The following MYO19 variants were observed in gnomAD, a reference collection of about 807,000 sequenced individuals.
MYO19 encodes the protein myosin XIX.
A neutral mutation model predicts 129.2 loss-of-function variants in MYO19; 132 were observed. The observed-to-expected ratio is 1.02, with a 90% confidence interval of 0.89 to 1.18. The LOEUF (loss-of-function observed/expected upper bound fraction) is 1.18. Among genes scored for constraint, MYO19 ranks in the 50% most tolerant of loss-of-function variants. MYO19 has a pLI of 0.00. For synonymous variants in MYO19, 531 were observed against 477.2 expected, an observed-to-expected ratio of 1.11 and a Z score of -1.47; for missense variants, 1,210 against 1,216.7, an observed-to-expected ratio of 0.99 and a Z score of 0.08.
chr17:36,537,731 C>T (rs1452028917), upstream of MYO19: 2 of 1,613,966 alleles, frequency 1.2e-6, no homozygotes, highest in Non-Finnish European at 1.7e-6. Context: ...GGCCATTAGT[C>T]TTCCTAGGAA....
rs568949049 is a variant in MYO19 at position 36,504,845 on chromosome 17, G to A, written c.1905+452C>T. The stretch of plus-strand genomic sequence containing the variant: ...GGAGAATCACTTGAACTCGGGAGGC[G>A]GAAGTTGCAGTGAGCTGAGATTGCA... On this transcript the variant is annotated intron_variant, in intron 19 of 25. Coordinates refer to ENST00000614623, the MANE Select transcript of MYO19 (RefSeq NM_001163735.2). 3.3e-5 allele frequency: 7 copies of A among 210,248 alleles called. No homozygotes were observed. The East Asian group carries it at 3.6e-4, about 11-fold the overall frequency. 13.0% of individuals were successfully genotyped at this position (210,248 alleles called of 1,614,324 possible).
At chr17:36,529,500 G>A (rs2073695834) in intron 3 of MYO19, among the ~76,000 whole-genome samples, 1 of 152,172 alleles carries the variant, frequency 6.6e-6, no homozygotes, top group African/African-American at 2.4e-5. Context: ...TGAGAATGGT[G>A]AGCCTAAAAT....
chr17:36,505,539 G>A (rs539290797), intron 18 of MYO19, 135 bp from the exon 19 acceptor site: 10 of 640,454 alleles, frequency 1.6e-5, no homozygotes, highest in Admixed American at 2.8e-5. Flanking sequence ...CTCCTGTGCA[G>A]GGATGACTGC....
In MYO19 at chr17:36,496,297, T is replaced by C. The variant is rs185098745; in HGVS notation, c.2867A>G (p.His956Arg). Residue 956 changes from histidine to arginine, a missense_variant, in exon 26 of 26, where the codon CAC becomes CGC. His to Arg is a conservative substitution (Grantham distance 29). Transcript: ENST00000614623. ...TGFNQILLER[H>R]RLIHVTSSAF... ...AGAAGAGGTCACGTGGATCAGCCTG[T>C]GTCTTTCCAGCAGAATCTGATTAAA... 3 of 1,614,042 alleles carry C rather than the reference T, an allele frequency of 1.9e-6. No individual in the cohort carries two copies. In the East Asian group the frequency reaches 6.7e-5, roughly 36 times the overall value.
At chr17:36,515,819 A>C (rs2072707366) in intron 7 of MYO19, 39 bp downstream of exon 7, 1 of 1,579,162 alleles carries the variant, frequency 6.3e-7, no homozygotes. Context: ...TCCCAGAGGA[A>C]ATGGGACTGA....
Position 36,499,298 on chromosome 17 carries a change from A to C in MYO19, c.2378-138T>G, listed in dbSNP as rs2071289888. ...TTTTTTCAATAAATTGCTACAAATA[A>C]GGTTCTAAAATCAATACATAAGGCA... On this transcript the variant is annotated intron_variant, in intron 23 of 25. Transcript: ENST00000614623. 1.2e-5 allele frequency: 7 copies of C among 574,442 alleles called. No individual in the cohort carries two copies. In the South Asian group the frequency reaches 1.4e-4, roughly 11 times the overall value. The allele number at this position is 574,442 out of a possible 1,614,324, so 35.6% of individuals were successfully genotyped here.
chr17:36,532,548 A>G lies in MYO19; in HGVS notation c.-10T>C. The G allele has an allele frequency of 6.4e-7, 1 of 1,554,646 alleles. No individual in the cohort carries two copies. On this transcript the variant is annotated 5_prime_UTR_variant, in exon 3 of 26. Transcript: ENST00000614623. ...TTACCTGCTGGAGCATCCTCCTTCA[A>G]AGTGGTCAGCCAGGGTTCTGGGTTG... is the stretch of plus-strand genomic sequence containing the variant.
In MYO19 at chr17:36,513,619, C is replaced by T. The variant is rs940669265; in HGVS notation, c.817+10G>A. 1 of 1,613,932 alleles carries T rather than the reference C, an allele frequency of 6.2e-7. No homozygotes were observed. The highest frequency in any genetic ancestry group is 1.1e-5 in the South Asian group (1 of 91,076). Reference sequence around the variant, plus strand: ...GGTCAGCGCAAGGTGCTGGATGGGGCTCCCCTTACCTTCTAAGCTCCTCTC... The same window carrying T: ...GGTCAGCGCAAGGTGCTGGATGGGGTTCCCCTTACCTTCTAAGCTCCTCTC... On this transcript the variant is annotated intron_variant, in intron 10 of 25. Coordinates refer to ENST00000614623, the MANE Select transcript of MYO19 (RefSeq NM_001163735.2).
intron 6 of MYO19, among the ~76,000 whole-genome samples, chr17:36,520,788 T>TAC (rs2073086195): frequency 6.6e-6 from 1 of 152,240 alleles, no homozygotes; most frequent in Admixed American, 6.5e-5. Flanking sequence ...ACAAAATACG[T>TAC]ACTGACTGTT....
Position 36,498,397 on chromosome 17 carries a change from C to T in MYO19, c.2626G>A (p.Gly876Ser). ...LGLVLANTAM[G>S]VGSFQRKLVV... The stretch of plus-strand genomic sequence containing the variant: ...AATTTCCTCTGAAAGCTGCCTACAC[C>T]CATAGCCGTATTGGCCAGGACCAGT... The change falls in exon 25 of 26, where the codon GGT (glycine) becomes AGT (serine). Residue 876 changes from glycine (G) to serine (S), a missense_variant. Gly to Ser is a moderately conservative substitution (Grantham distance 56, BLOSUM62 0). Coordinates refer to ENST00000614623, the MANE Select transcript of MYO19 (RefSeq NM_001163735.2). 2 of 1,613,988 alleles carry T rather than the reference C, an allele frequency of 1.2e-6. No homozygotes were observed. The highest frequency in any genetic ancestry group is 1.7e-6 in the Non-Finnish European group (2 of 1,179,876).
At chr17:36,538,398 A>G, upstream of MYO19, 2 of 1,614,176 alleles carry the variant, frequency 1.2e-6, no homozygotes, top group Non-Finnish European at 1.7e-6. Flanking sequence ...TGAAGCCGAA[A>G]GAATGGAACC....
At chr17:36,502,157 C>T (rs2142829081) in intron 21 of MYO19, among the ~76,000 whole-genome samples, 1 of 152,300 alleles carries the variant, frequency 6.6e-6, no homozygotes, top group East Asian at 1.9e-4. Flanking sequence ...AGGCGGGGCC[C>T]CCCGGCAGCC....
At position 36,513,435 on chromosome 17, in the gene MYO19, G is replaced by C; in HGVS notation, c.888C>G (p.Ile296Met). ...GCGTGGCTTTTCTTCTGACCTTAAA[G>C]ATGTTGTTCTGGGTAGGGGTGTCAA... ...LGIDTPTQNN[I>M]FKVLAGLLHL... Residue 296 changes from isoleucine to methionine, a missense_variant, in exon 11 of 26, where the codon ATC becomes ATG. By Grantham distance (10) the Ile-to-Met change is conservative. Coordinates refer to ENST00000614623, the MANE Select transcript of MYO19 (RefSeq NM_001163735.2). The C allele has an allele frequency of 6.2e-7, 1 of 1,614,070 alleles. No individual in the cohort carries two copies. Among genetic ancestry groups the C allele is most frequent in the Non-Finnish European group, 8.5e-7 (1 of 1,179,910 alleles).
chr17:36,512,821 A>G (rs1297562044), intron 11 of MYO19: 2 of 1,264,436 alleles, frequency 1.6e-6, no homozygotes, highest in South Asian at 2.6e-5. Flanking sequence ...CAGCTCTGTC[A>G]GCAAAGACAG....
intron 9 of MYO19, 147 bp from the exon 10 acceptor site, chr17:36,513,872 G>A (rs2072547810): frequency 1.5e-6 from 1 of 673,932 alleles, no homozygotes; most frequent in Non-Finnish European, 2.5e-6. Flanking sequence ...CGGCAGGTAT[G>A]GGGGCAAAAG....
At chr17:36,544,691 C>T (rs1439650073), upstream of MYO19, among the ~76,000 whole-genome samples, 1 of 152,216 alleles carries the variant, frequency 6.6e-6, no homozygotes, top group African/African-American at 2.4e-5. Flanking sequence ...TTGGGCCGAT[C>T]ACCCCTCCTA....
chr17:36,523,027 A>C (rs1309422471), intron 6 of MYO19, among the ~76,000 whole-genome samples: 9 of 150,928 alleles, frequency 6.0e-5, no homozygotes, highest in East Asian at 5.8e-4. Flanking sequence ...CAAAAAACAA[A>C]AAAAAAAAAC....
chr17:36,509,585 A>G, intron 13 of MYO19: 1 of 200,910 alleles, frequency 5.0e-6, no homozygotes, highest in Admixed American at 5.3e-5. Flanking sequence ...GTAGTTCTGC[A>G]CAAGTGGGCC....
Position 36,499,105 on chromosome 17 carries a change from T to C in MYO19, c.2433A>G (p.Thr811=). Residue 811 remains threonine (T), a synonymous_variant, in exon 24 of 26, where the codon ACA becomes ACG. Coordinates refer to ENST00000614623, the MANE Select transcript of MYO19 (RefSeq NM_001163735.2). The part of the protein sequence containing the change: ...KHIQRLHAAA[T]VIKRAWQKWR... The stretch of plus-strand genomic sequence containing the variant: ...ACTTCTGCCATGCACGCTTGATGAC[T>C]GTGGCAGCTGCATGCAGCCTCTGGA... The C allele has an allele frequency of 6.2e-7, 1 of 1,610,640 alleles. No individual in the cohort carries two copies. The highest frequency in any genetic ancestry group is 8.5e-7 in the Non-Finnish European group (1 of 1,178,354).
Sources: allele counts gnomAD v4.1 joint callset (sites outside exome capture counted in the v4.1 genomes callset), GRCh38; gene constraint gnomAD v4.1.1; transcripts MANE v1.5; gene names NCBI Gene and HGNC (gene_info 2026-07-23, HGNC 2026-07-21).